PRKAR1B: variants seen among roughly 807,000 people sequenced by gnomAD.
PRKAR1B encodes cAMP-dependent protein kinase type I-beta regulatory subunit.
PRKAR1B carries 22 observed loss-of-function variants against 46.5 expected under a neutral mutation model. The observed-to-expected ratio is 0.47, with a 90% confidence interval of 0.34 to 0.68. The LOEUF is 0.68. Ranked by LOEUF, PRKAR1B falls within the 30% of genes least tolerant of loss-of-function variation. The pLI is 0.01. For missense variants in PRKAR1B, 445 were observed against 535.6 expected (o/e 0.83, Z 1.67); for synonymous variants, 259 against 217.7 (o/e 1.19, Z -1.67).
chr7:728,833 G>A (rs1268006624), upstream of PRKAR1B, among the ~76,000 whole-genome samples: 1 of 152,182 alleles, frequency 6.6e-6, no homozygotes, highest in African/African-American at 2.4e-5. Flanking sequence ...CTCTCCCCTG[G>A]GTGGGGGGCC....
At chr7:626,895 T>G (rs1478446148) in intron 4 of PRKAR1B, among the ~76,000 whole-genome samples, 1 of 151,886 alleles carries the variant, frequency 6.6e-6, no homozygotes, top group Non-Finnish European at 1.5e-5. Context: ...ATTTATTTAT[T>G]AAGATGGAGT....
chr7:601,863 G>A (rs2128460184), intron 6 of PRKAR1B, among the ~76,000 whole-genome samples: 2 of 151,974 alleles, frequency 1.3e-5, no homozygotes, highest in Middle Eastern at 6.8e-3. Flanking sequence ...AGGCCTTAAA[G>A]CTGCCTTTGT....
At chr7:555,462 T>A (rs945517978) in intron 9 of PRKAR1B, among the ~76,000 whole-genome samples, 2 of 152,170 alleles carry the variant, frequency 1.3e-5, no homozygotes, top group African/African-American at 4.8e-5. Flanking sequence ...ACTTTTTTAA[T>A]TGGAGGCATT....
At chr7:580,793 T>C (rs921204735) in intron 8 of PRKAR1B, among the ~76,000 whole-genome samples, 1 of 148,244 alleles carries the variant, frequency 6.7e-6, no homozygotes, top group African/African-American at 2.5e-5. Context: ...ACAAATCAGA[T>C]GCTACCTATG....
rs189867257 is a variant in PRKAR1B, at chr7:550,412, G to A, written c.*18C>T. The A allele has an allele frequency of 3.0e-5, 48 of 1,575,336 alleles. No individual in the cohort carries two copies. The highest frequency in any genetic ancestry group is 1.7e-4 in the Middle Eastern group (1 of 6,000). ...GCCACCACACTGGGGAGCTGGGGCT[G>A]CAGGGCGGGAGCTGTGCTCAGACGG... On this transcript the variant is annotated 3_prime_UTR_variant, in exon 11 of 11. Coordinates refer to ENST00000537384, the MANE Select transcript of PRKAR1B (RefSeq NM_001164760.2).
upstream of PRKAR1B, chr7:727,339 CA>C: frequency 1.6e-6 from 2 of 1,221,754 alleles, no homozygotes; most frequent in Non-Finnish European, 1.0e-6. Flanking sequence ...GCCCCGCTCC[CA>C]CACGCCACCC....
At chr7:604,533 T>C (rs1408902874) in intron 6 of PRKAR1B, among the ~76,000 whole-genome samples, 6 of 152,160 alleles carry the variant, frequency 3.9e-5, no homozygotes, top group African/African-American at 1.4e-4. Flanking sequence ...GAAGAGAAAC[T>C]GGCTCTTTCT....
chr7:557,642 C>T (rs940576603), intron 9 of PRKAR1B, among the ~76,000 whole-genome samples: 11 of 152,174 alleles, frequency 7.2e-5, no homozygotes, highest in Admixed American at 3.3e-4. Context: ...ACGACATGGG[C>T]GGCCGCCGCA....
chr7:578,434 G>A (rs953938840), intron 9 of PRKAR1B, among the ~76,000 whole-genome samples: 3 of 152,208 alleles, frequency 2.0e-5, no homozygotes, highest in South Asian at 2.1e-4. Context: ...AGCTGCCACC[G>A]TCTTTTTAAA....
intron 9 of PRKAR1B, among the ~76,000 whole-genome samples, chr7:552,676 T>C (rs1278247524): frequency 2.0e-5 from 3 of 152,184 alleles, no homozygotes; most frequent in Non-Finnish European, 4.4e-5. Context: ...TGGAACTCAC[T>C]GGCCCCCCGC....
At chr7:559,725 C>T (rs10242941) in intron 9 of PRKAR1B, among the ~76,000 whole-genome samples, 34,297 of 152,162 alleles carry the variant, frequency 0.23, 4,039 homozygotes, top group Non-Finnish European at 0.25. Flanking sequence ...AAGGCACATG[C>T]ACCCCAAGTC....
intron 6 of PRKAR1B, 32 bp from the exon 7 acceptor site, chr7:596,336 G>A (rs747186648): frequency 5.4e-5 from 86 of 1,585,460 alleles, no homozygotes; most frequent in Non-Finnish European, 7.4e-5. Flanking sequence ...AGTGTCACGG[G>A]GGCCAGGCAG....
At chr7:665,650 C>T (rs1053851810) in intron 4 of PRKAR1B, among the ~76,000 whole-genome samples, 14 of 152,230 alleles carry the variant, frequency 9.2e-5, no homozygotes, top group African/African-American at 1.7e-4. Flanking sequence ...TCGGATGAGG[C>T]CCTGCATTTT....
At chr7:555,074 A>G (rs1197580413) in intron 9 of PRKAR1B, among the ~76,000 whole-genome samples, 2 of 152,196 alleles carry the variant, frequency 1.3e-5, no homozygotes, top group East Asian at 3.9e-4. Context: ...TTTCTCCTGC[A>G]CTTCTCCCCT....
At chr7:580,752 AAAAAAAAAAAAC>A (rs1318671467) in intron 8 of PRKAR1B, among the ~76,000 whole-genome samples, 3 of 151,856 alleles carry the variant, frequency 2.0e-5, no homozygotes, top group Non-Finnish European at 4.4e-5. Context: ...GACAAAAAAA[AAAAAAAAAAAAC>A]AAACGTTTCC....
intron 7 of PRKAR1B, among the ~76,000 whole-genome samples, chr7:587,500 G>A (rs536524741): frequency 1.7e-3 from 257 of 152,318 alleles, no homozygotes; most frequent in Non-Finnish European, 2.9e-3. Flanking sequence ...CAGGGCCTGC[G>A]CCTACCCACT....
chr7:647,156 A>T (rs1784658430), intron 4 of PRKAR1B, among the ~76,000 whole-genome samples: 1 of 152,170 alleles, frequency 6.6e-6, no homozygotes, highest in Non-Finnish European at 1.5e-5. Context: ...GGCCAAAACC[A>T]GCCTGCCTGC....
rs142133582 is a variant in PRKAR1B, at chr7:612,920, G to A, written c.441-5468C>T. Among the ~76,000 whole-genome samples the A allele has an allele frequency of 1.4e-3, 214 of 151,928 alleles. 1 individual carries two copies. The highest frequency in any genetic ancestry group is 2.2e-3 in the Non-Finnish European group (152 of 67,968). ...GCAACAGAGGCTTTATTAAATAAAC[G>A]ACAATGAAAAGATGTGTGTGTGTAA... On this transcript the variant is annotated intron_variant, in intron 4 of 10. Coordinates refer to ENST00000537384, the MANE Select transcript of PRKAR1B (RefSeq NM_001164760.2).
In PRKAR1B at chr7:666,836, G is replaced by A. The variant is rs1205281298; in HGVS notation, c.440+10393C>T. On this transcript the variant is annotated intron_variant, in intron 4 of 10. Transcript: ENST00000537384. This position sits in a 1 kb window ranked among gnomAD's most constrained non-coding sequence, Gnocchi z 4.9. ...GACTGCGGGGTCTGTCTGGATAGCCGGGCCAGCCTCCAAGGGGCAAGGCAC... is the reference window on the plus strand; with the variant it reads ...GACTGCGGGGTCTGTCTGGATAGCCAGGCCAGCCTCCAAGGGGCAAGGCAC... Among the ~76,000 whole-genome samples, 6 of 152,180 alleles carry A rather than the reference G, an allele frequency of 3.9e-5. No homozygotes were observed. The highest frequency in any genetic ancestry group is 1.9e-4 in the East Asian group (1 of 5,188).
Sources: gnomAD v4.1 joint callset for allele counts (sites outside exome capture counted in the v4.1 genomes callset) on GRCh38, gnomAD v4.1.1 for gene constraint, Gnocchi (gnomAD v3.1) non-coding constraint, MANE v1.5 for transcripts, NCBI Gene and HGNC (gene_info 2026-07-23, HGNC 2026-07-21) for gene names.